Variants in DTNB observed in about 807,000 individuals in gnomAD.
The protein encoded by DTNB is DTN-B.
DTNB carries 63 observed loss-of-function variants against 90.7 expected under a neutral mutation model. That is an observed-to-expected ratio of 0.69 (90% CI 0.57 to 0.86). The LOEUF (loss-of-function observed/expected upper bound fraction) is 0.86, where lower values mean the gene tolerates loss of function less well. DTNB is among the 40% of genes least tolerant of loss of function. The pLI, the probability that DTNB is intolerant of heterozygous loss-of-function variation, is 0.00. For missense variants in DTNB, 744 were observed against 807.1 expected (o/e 0.92, Z 0.95); for synonymous variants, 277 against 286.7 (o/e 0.97, Z 0.34).
intron 12 of DTNB, among the ~76,000 whole-genome samples, chr2:25,436,290 G>C (rs1278131317): frequency 6.6e-6 from 1 of 151,964 alleles, no homozygotes; most frequent in Non-Finnish European, 1.5e-5. Context: ...AGCTGAGATT[G>C]TGCCACTGCA....
At chr2:25,462,219 C>A (rs534626532) in intron 10 of DTNB, among the ~76,000 whole-genome samples, 1 of 152,066 alleles carries the variant, frequency 6.6e-6, no homozygotes, top group African/African-American at 2.4e-5. Context: ...GATAATATCT[C>A]GTGATGTCAG....
intron 4 of DTNB, among the ~76,000 whole-genome samples, chr2:25,616,774 T>C (rs1573478041): frequency 1.3e-5 from 2 of 150,264 alleles, no homozygotes; most frequent in Admixed American, 6.6e-5. Context: ...CTACTAAAAA[T>C]ACAAAAAATT....
chr2:25,398,635 T>C (rs1245676186), intron 16 of DTNB, among the ~76,000 whole-genome samples: 2 of 152,152 alleles, frequency 1.3e-5, no homozygotes, highest in African/African-American at 4.8e-5. Flanking sequence ...CTTGGTGGTT[T>C]TGACAAAAAA....
chr2:25,671,756 C>G (rs2085967949), intron 1 of DTNB, among the ~76,000 whole-genome samples: 1 of 152,144 alleles, frequency 6.6e-6, no homozygotes, highest in Admixed American at 6.5e-5. Flanking sequence ...GATAAAAATC[C>G]TTAGAGAACT....
intron 9 of DTNB, among the ~76,000 whole-genome samples, chr2:25,515,935 T>G (rs1306662326): frequency 1.3e-5 from 2 of 152,204 alleles, no homozygotes; most frequent in East Asian, 3.8e-4. Context: ...ACAGAAACTC[T>G]GTCCTATTTA....
chr2:25,667,188 G>GA (rs1412595627), intron 1 of DTNB, among the ~76,000 whole-genome samples: 1 of 151,556 alleles, frequency 6.6e-6, no homozygotes, highest in Non-Finnish European at 1.5e-5. Context: ...CACTCACTCT[G>GA]AAAATGGGTC....
chr2:25,652,840 T>A (rs958577776), intron 1 of DTNB, 179 bp from the exon 2 acceptor site: 5 of 519,276 alleles, frequency 9.6e-6, no homozygotes, highest in Admixed American at 3.8e-5. Flanking sequence ...TCCTTTTATT[T>A]GATAGCTTCT....
chr2:25,542,647 C>A (rs1253038828), intron 8 of DTNB, among the ~76,000 whole-genome samples: 2 of 152,062 alleles, frequency 1.3e-5, no homozygotes, highest in African/African-American at 4.8e-5. Flanking sequence ...GTCACTCAGG[C>A]CTGGTTGTTT....
intron 16 of DTNB, among the ~76,000 whole-genome samples, chr2:25,415,108 C>T (rs767363523): frequency 4.6e-5 from 7 of 152,194 alleles, no homozygotes; most frequent in Non-Finnish European, 1.0e-4. Context: ...AAGGCAGAAT[C>T]ACAGCACCCA....
intron 4 of DTNB, among the ~76,000 whole-genome samples, chr2:25,618,505 C>A (rs2071461391): frequency 6.6e-6 from 1 of 152,204 alleles, no homozygotes; most frequent in African/African-American, 2.4e-5. Context: ...AATCAATTCT[C>A]TTCAAACAAG....
intron 10 of DTNB, among the ~76,000 whole-genome samples, chr2:25,473,627 T>C (rs1390195837): frequency 6.6e-6 from 1 of 152,210 alleles, no homozygotes; most frequent in Non-Finnish European, 1.5e-5. Flanking sequence ...TTGTTGGCTC[T>C]AAGTATTTGT....
chr2:25,389,857 TGTG>T (rs377289334), intron 16 of DTNB, among the ~76,000 whole-genome samples: 26,714 of 148,916 alleles, frequency 0.18, 2,920 homozygotes, highest in East Asian at 0.57. Context: ...TGTGTGTGTG[TGTG>T]TGTGTGTGTG....
At chr2:25,460,627 A>G (rs531867730) in intron 10 of DTNB, among the ~76,000 whole-genome samples, 3 of 152,216 alleles carry the variant, frequency 2.0e-5, no homozygotes, top group Admixed American at 2.0e-4. Flanking sequence ...GAAAGGAGAG[A>G]TCTATGTCAA....
intron 9 of DTNB, among the ~76,000 whole-genome samples, chr2:25,512,873 T>A (rs1021790322): frequency 6.6e-6 from 1 of 152,122 alleles, no homozygotes; most frequent in African/African-American, 2.4e-5. Context: ...CTCCATAAAT[T>A]AGTAGTAGAA....
chr2:25,464,409 G>A (rs1286807686), intron 10 of DTNB, among the ~76,000 whole-genome samples: 2 of 152,206 alleles, frequency 1.3e-5, no homozygotes, highest in African/African-American at 4.8e-5. Context: ...CCACTAGCCA[G>A]AGTTGGAACA....
intron 3 of DTNB, among the ~76,000 whole-genome samples, chr2:25,633,781 G>C (rs997612823): frequency 1.3e-5 from 2 of 151,094 alleles, no homozygotes; most frequent in African/African-American, 2.4e-5. Flanking sequence ...GTCTCTGCCC[G>C]GCCGCTCATC....
At chr2:25,529,274 A>T (rs981259154) in intron 9 of DTNB, among the ~76,000 whole-genome samples, 7 of 152,182 alleles carry the variant, frequency 4.6e-5, no homozygotes, top group African/African-American at 1.7e-4. Context: ...TTATCTAATG[A>T]ATGACCCTGA....
chr2:25,627,736 CTT>C lies in DTNB; in HGVS notation c.362+433_362+434del, dbSNP rs569673438. Among the ~76,000 whole-genome samples, 272 of 135,906 alleles carry C rather than the reference CTT, an allele frequency of 2.0e-3. 1 individual carries two copies. Among genetic ancestry groups the C allele is most frequent in the African/African-American group, 6.0e-3 (222 of 36,976 alleles). 89.2% of individuals were successfully genotyped at this position (135,906 alleles called of 152,430 possible). On this transcript the variant is annotated intron_variant, in intron 4 of 20. Coordinates refer to ENST00000406818, the MANE Select transcript of DTNB (RefSeq NM_021907.5). ...GAGGGGCTTACACCGAATAATTTTC[CTT>C]TTTTTTTTTTTTTTTTAAGACAATG...
chr2:25,624,542 T>C (rs921527524), intron 4 of DTNB, among the ~76,000 whole-genome samples: 1 of 152,226 alleles, frequency 6.6e-6, no homozygotes, highest in Non-Finnish European at 1.5e-5. Context: ...GATGAGGGGC[T>C]GGCCTGCCTC....
Sources: gnomAD v4.1 joint callset for allele counts (sites outside exome capture counted in the v4.1 genomes callset) on GRCh38, gnomAD v4.1.1 for gene constraint, MANE v1.5 for transcripts, NCBI Gene and HGNC (gene_info 2026-07-23, HGNC 2026-07-21) for gene names.